NCAM2: variants seen among roughly 807,000 people sequenced by gnomAD.
NCAM2 encodes neural cell adhesion molecule 2, also known as N-CAM-2.
Under a neutral mutation model 98.1 loss-of-function variants are expected in NCAM2, and 30 were observed. That is an observed-to-expected ratio of 0.31 (90% confidence interval 0.23 to 0.41). The LOEUF (loss-of-function observed/expected upper bound fraction) is 0.41. NCAM2 is among the 10% of genes least tolerant of loss of function. The pLI, the probability that NCAM2 is intolerant of heterozygous loss-of-function variation, is 1.00. For missense variants in NCAM2, 867 were observed against 1,005.8 expected, an observed-to-expected ratio of 0.86 and a Z score of 1.87; for synonymous variants, 368 against 342.4, an observed-to-expected ratio of 1.07 and a Z score of -0.83.
intron 5 of NCAM2, among the ~76,000 whole-genome samples, chr21:21,297,200 G>T (rs1206993024): frequency 6.6e-6 from 1 of 151,704 alleles, no homozygotes. Context: ...TGGAGGAAAT[G>T]AGTTAAAAAA....
intron 9 of NCAM2, among the ~76,000 whole-genome samples, chr21:21,389,420 A>C (rs1328065133): frequency 6.6e-6 from 1 of 152,234 alleles, no homozygotes; most frequent in Non-Finnish European, 1.5e-5. Context: ...GAGTAGGGAC[A>C]CAGCTAAACC....
intron 1 of NCAM2, among the ~76,000 whole-genome samples, chr21:21,163,742 A>C (rs2067862453): frequency 6.6e-6 from 1 of 152,206 alleles, no homozygotes; most frequent in South Asian, 2.1e-4. Context: ...CATTACTAAA[A>C]TGTTAAAAGA....
intron 1 of NCAM2, among the ~76,000 whole-genome samples, chr21:21,008,301 T>C (rs1182607825): frequency 3.3e-5 from 5 of 152,190 alleles, no homozygotes; most frequent in Admixed American, 2.0e-4. Flanking sequence ...ACTTATTCTA[T>C]AGATTACACA....
intron 16 of NCAM2, among the ~76,000 whole-genome samples, 178 bp downstream of exon 16, chr21:21,509,233 G>T (rs989588012): frequency 6.6e-6 from 1 of 152,014 alleles, no homozygotes; most frequent in African/African-American, 2.4e-5. Flanking sequence ...ATATAACCTA[G>T]AACAAAGTGA....
At chr21:21,535,840 T>C (rs1249548503) in intron 17 of NCAM2, among the ~76,000 whole-genome samples, 1 of 152,110 alleles carries the variant, frequency 6.6e-6, no homozygotes, top group Admixed American at 6.6e-5. Flanking sequence ...TATAAAATAA[T>C]ATGATTAACA....
intron 12 of NCAM2, among the ~76,000 whole-genome samples, chr21:21,451,163 C>G (rs965159085): frequency 5.9e-5 from 9 of 152,018 alleles, no homozygotes; most frequent in African/African-American, 2.2e-4. Context: ...GGCCTGTTTA[C>G]CGTTCATTTG....
intron 8 of NCAM2, among the ~76,000 whole-genome samples, chr21:21,344,267 G>C (rs986345986): frequency 3.3e-5 from 5 of 152,144 alleles, no homozygotes; most frequent in Admixed American, 6.5e-5. Context: ...CAAGGGCTTT[G>C]ATAAGCCTCT....
intron 1 of NCAM2, among the ~76,000 whole-genome samples, chr21:21,198,941 T>C (rs569566322): frequency 1.3e-5 from 2 of 152,138 alleles, no homozygotes; most frequent in Non-Finnish European, 2.9e-5. Context: ...GGGTGGCAAA[T>C]TCAGGCTCAG....
intron 6 of NCAM2, among the ~76,000 whole-genome samples, chr21:21,326,058 G>A (rs2074502823): frequency 6.6e-6 from 1 of 152,104 alleles, no homozygotes; most frequent in Non-Finnish European, 1.5e-5. Flanking sequence ...GTGTAAAGGG[G>A]CTAGAAGTCT....
chr21:21,528,230 T>G (rs970441355), intron 16 of NCAM2, among the ~76,000 whole-genome samples: 1 of 152,174 alleles, frequency 6.6e-6, no homozygotes, highest in Admixed American at 6.6e-5. Context: ...CCAGAAGATT[T>G]GTGAGGCAGT....
At chr21:21,287,310 T>A (rs538340221) in intron 4 of NCAM2, among the ~76,000 whole-genome samples, 1 of 152,116 alleles carries the variant, frequency 6.6e-6, no homozygotes, top group African/African-American at 2.4e-5. Context: ...TATTTTTGAA[T>A]ATGTGGGGAG....
At chr21:21,420,672 A>C (rs2077093189) in intron 11 of NCAM2, among the ~76,000 whole-genome samples, 3 of 151,944 alleles carry the variant, frequency 2.0e-5, no homozygotes, top group African/African-American at 7.2e-5. Context: ...TTTTTAAGCT[A>C]ATAATGTCAA....
chr21:21,291,479 GCACA>G lies in NCAM2; in HGVS notation c.482-608_482-605del, dbSNP rs140253595. Among the ~76,000 whole-genome samples, 9 of 147,828 alleles carry G rather than the reference GCACA, an allele frequency of 6.1e-5. No homozygotes were observed. The East Asian group carries it at 7.9e-4, about 13-fold the overall frequency. ...AGCTTATTTTTTTATATATGCATGT[GCACA>G]CACACACACACACACAAATGGAATC... On this transcript the variant is annotated intron_variant, in intron 4 of 17. Coordinates refer to ENST00000400546, the MANE Select transcript of NCAM2 (RefSeq NM_004540.5).
At chr21:21,261,163 G>C (rs1013115341) in intron 1 of NCAM2, among the ~76,000 whole-genome samples, 6 of 152,070 alleles carry the variant, frequency 3.9e-5, no homozygotes, top group Admixed American at 6.6e-5. Flanking sequence ...AACTGTCCTA[G>C]ATATGTACAC....
In NCAM2 at chr21:21,538,890, T is replaced by TA. The variant is rs1990119480; in HGVS notation, c.*933_*934insA. The TA allele has an allele frequency of 6.6e-6, 1 of 152,146 alleles. No homozygotes were observed. Among genetic ancestry groups the TA allele is most frequent in the African/African-American group, 2.4e-5 (1 of 41,460 alleles). 9.4% of individuals were successfully genotyped at this position (152,146 alleles called of 1,614,324 possible). ...ACTTCAAATCATATCCTCAGATATA[T>TA]TTTTAGCCCATGGTTTTATATAATC... On this transcript the variant is annotated 3_prime_UTR_variant, in exon 18 of 18. Transcript: ENST00000400546.
At position 21,496,747 on chromosome 21, in the gene NCAM2, C is replaced by T. The variant is rs907870664; in HGVS notation, c.2078-12104C>T. On this transcript the variant is annotated intron_variant, in intron 15 of 17. Coordinates refer to ENST00000400546, the MANE Select transcript of NCAM2 (RefSeq NM_004540.5). Reference sequence around the variant, plus strand: ...CGTCCAGGATTTTTATAGTCTGAGGCCTTATATTTAAGTTTTTAATCCATC... The same window carrying T: ...CGTCCAGGATTTTTATAGTCTGAGGTCTTATATTTAAGTTTTTAATCCATC... Among the ~76,000 whole-genome samples the T allele has an allele frequency of 3.3e-5, 5 of 151,972 alleles. No homozygotes were observed. In the South Asian group the frequency reaches 6.2e-4, roughly 19 times the overall value.
chr21:21,126,829 A>G (rs1194323790), intron 1 of NCAM2, among the ~76,000 whole-genome samples: 1 of 152,064 alleles, frequency 6.6e-6, no homozygotes, highest in Non-Finnish European at 1.5e-5. Flanking sequence ...TGAAACTGTC[A>G]TACGTGTGTA....
chr21:21,181,519 T>A (rs1298262932), intron 1 of NCAM2, among the ~76,000 whole-genome samples: 6 of 152,150 alleles, frequency 3.9e-5, no homozygotes, highest in Admixed American at 1.3e-4. Context: ...TAAAATAAAG[T>A]CTTATTTCTC....
intron 3 of NCAM2, among the ~76,000 whole-genome samples, chr21:21,285,170 A>G (rs1167948332): frequency 1.3e-5 from 2 of 151,898 alleles, no homozygotes; most frequent in African/African-American, 4.8e-5. Flanking sequence ...ATATTGCATA[A>G]AGTACTTACA....
Sources: allele counts gnomAD v4.1 joint callset (sites outside exome capture counted in the v4.1 genomes callset), GRCh38; gene constraint gnomAD v4.1.1; transcripts MANE v1.5; gene names NCBI Gene and HGNC (gene_info 2026-07-23, HGNC 2026-07-21).